The following OTOG variants were observed in gnomAD, a reference collection of about 807,000 sequenced individuals.
OTOG encodes the protein otogelin.
Under a neutral mutation model 313.8 loss-of-function variants are expected in OTOG, and 296 were observed. The ratio of observed to expected loss-of-function variants is 0.94; its 90% CI spans 0.86 to 1.04. OTOG has a LOEUF of 1.04. Among genes scored for constraint, OTOG ranks in the 50% least tolerant of loss-of-function variants. OTOG has a pLI of 0.00. For missense variants in OTOG, 3,948 were observed against 3,840.1 expected (o/e 1.03, Z -0.74); for synonymous variants, 1,533 against 1,554.9 (o/e 0.99, Z 0.33).
chr11:17,595,085 T>C (rs180770246), intron 28 of OTOG, among the ~76,000 whole-genome samples: 1 of 152,332 alleles, frequency 6.6e-6, no homozygotes, highest in East Asian at 1.9e-4. Flanking sequence ...GAGATGAGCC[T>C]ATGTAGACTG....
At chr11:17,625,108 A>G (rs575858214) in intron 39 of OTOG, among the ~76,000 whole-genome samples, 14 of 152,296 alleles carry the variant, frequency 9.2e-5, no homozygotes, top group African/African-American at 2.6e-4. Flanking sequence ...GCAAACAGGG[A>G]TAGTTTGACT....
At chr11:17,643,855 C>T (rs1211481280) in intron 54 of OTOG, among the ~76,000 whole-genome samples, 1 of 152,234 alleles carries the variant, frequency 6.6e-6, no homozygotes, top group Admixed American at 6.5e-5. Flanking sequence ...CATAAATTCT[C>T]CCGTAGTCAG....
intron 24 of OTOG, among the ~76,000 whole-genome samples, chr11:17,591,062 A>C (rs1852920233): frequency 6.6e-6 from 1 of 152,208 alleles, no homozygotes; most frequent in Non-Finnish European, 1.5e-5. Flanking sequence ...TCCCAGAGGC[A>C]GACGGTTTTC....
At chr11:17,562,570 C>CA (rs148426671) in intron 15 of OTOG, among the ~76,000 whole-genome samples, 19,727 of 148,566 alleles carry the variant, frequency 0.13, 1,306 homozygotes, top group Middle Eastern at 0.19. Context: ...ACCCATTTTA[C>CA]AAAAAAAAAA....
chr11:17,553,272 A>G, intron 5 of OTOG, 61 bp downstream of exon 5: 2 of 1,534,352 alleles, frequency 1.3e-6, no homozygotes, highest in South Asian at 1.2e-5. Context: ...AGCTAGGGAG[A>G]AAGGGAGCAG....
rs549425546 is a variant in OTOG, at chr11:17,547,897, A to G, written c.95-30A>G. The G allele has an allele frequency of 7.1e-5, 32 of 451,074 alleles. No individual in the cohort carries two copies. In the South Asian group the frequency reaches 1.9e-3, roughly 27 times the overall value. The allele number at this position is 451,074 out of a possible 1,614,324, so 27.9% of individuals were successfully genotyped here. On this transcript the variant is annotated intron_variant, in intron 1 of 55. Transcript: ENST00000399397. ...GGAGGCCCCAGTAAAGACAAGCACA[A>G]TTTGAGTGGAGAATAATCCCCCTCC...
At chr11:17,605,784 T>G in intron 32 of OTOG, 73 bp from the exon 33 acceptor site, 1 of 1,449,842 alleles carries the variant, frequency 6.9e-7, no homozygotes, top group Non-Finnish European at 9.3e-7. Context: ...AGAGCAGATG[T>G]GTGCCAGGAT....
chr11:17,593,886 TG>T, intron 27 of OTOG, 130 bp downstream of exon 27: 1 of 1,400,638 alleles, frequency 7.1e-7, no homozygotes. Flanking sequence ...CGCCCTGCTC[TG>T]GGCCCCTTCT....
At chr11:17,613,268 TC>T (rs1853634776) in intron 38 of OTOG, among the ~76,000 whole-genome samples, 27 of 147,612 alleles carry the variant, frequency 1.8e-4, no homozygotes, top group South Asian at 8.7e-4. Flanking sequence ...TCTTTCTTTC[TC>T]TCTCTGTCTG....
chr11:17,570,563 G>A (rs894075250), intron 17 of OTOG, 173 bp downstream of exon 17: 1 of 656,220 alleles, frequency 1.5e-6, no homozygotes, highest in African/African-American at 1.8e-5. Flanking sequence ...TAAAGCAGCG[G>A]TTCACAGTCC....
intron 24 of OTOG, among the ~76,000 whole-genome samples, chr11:17,590,314 G>A (rs1852901381): frequency 6.6e-6 from 1 of 152,216 alleles, no homozygotes; most frequent in Non-Finnish European, 1.5e-5. Context: ...CTGAGTTGAT[G>A]AAGACTTCAT....
At chr11:17,611,454 G>T in intron 36 of OTOG, 31 bp downstream of exon 36, 1 of 1,475,182 alleles carries the variant, frequency 6.8e-7, no homozygotes. Flanking sequence ...CTGGCCACCC[G>T]TATGTGACCC....
intron 54 of OTOG, 133 bp from the exon 55 acceptor site, chr11:17,645,431 G>T: frequency 2.6e-6 from 2 of 781,268 alleles, no homozygotes; most frequent in South Asian, 1.8e-5. Context: ...ATGGGGAGGG[G>T]CACTAATGCA....
chr11:17,638,766 G>A (rs1343346047), intron 48 of OTOG: 16 of 1,535,572 alleles, frequency 1.0e-5, no homozygotes, highest in Admixed American at 2.0e-5. Flanking sequence ...GAAGGAAAAA[G>A]CAAGTTTCCC....
chr11:17,634,030 C>A, intron 43 of OTOG, 39 bp from the exon 44 acceptor site: 1 of 1,525,720 alleles, frequency 6.6e-7, no homozygotes, highest in Non-Finnish European at 8.8e-7. Context: ...CTGGGCTCAC[C>A]TTCCTCAGTC....
chr11:17,627,781 T>G (rs370718572), intron 39 of OTOG, among the ~76,000 whole-genome samples: 2 of 152,176 alleles, frequency 1.3e-5, no homozygotes, highest in South Asian at 2.1e-4. Flanking sequence ...GTTTTCAGAT[T>G]TTTTATTTCT....
Position 17,643,518 on chromosome 11 carries a change from T to A in OTOG, c.8461+12T>A, listed in dbSNP as rs1848014833. The A allele has an allele frequency of 7.2e-6, 8 of 1,113,824 alleles. No homozygotes were observed. Among genetic ancestry groups the A allele is most frequent in the Non-Finnish European group, 9.3e-6 (8 of 858,398 alleles). The allele number at this position is 1,113,824 out of a possible 1,614,324, so 69.0% of individuals were successfully genotyped here. A position where few individuals can be genotyped will look rare whatever the true frequency, so the allele number is the denominator to read the frequency against. Reference sequence around the variant, plus strand: ...ATGCTGCAGGACCTGTGAGTGAGCATGGTGGGGGCCCAGGGGTGGGGGGCT... The same window carrying A: ...ATGCTGCAGGACCTGTGAGTGAGCAAGGTGGGGGCCCAGGGGTGGGGGGCT... On this transcript the variant is annotated intron_variant, in intron 54 of 55. Coordinates refer to ENST00000399397, the MANE Select transcript of OTOG (RefSeq NM_001292063.2).
chr11:17,589,906 T>G (rs1417951985), intron 24 of OTOG, among the ~76,000 whole-genome samples: 1 of 152,210 alleles, frequency 6.6e-6, no homozygotes, highest in Non-Finnish European at 1.5e-5. Context: ...TATTCCCTCC[T>G]TCTTGATACT....
intron 3 of OTOG, among the ~76,000 whole-genome samples, chr11:17,549,113 C>G (rs1398531080): frequency 6.6e-6 from 1 of 152,176 alleles, no homozygotes; most frequent in Non-Finnish European, 1.5e-5. Flanking sequence ...CTTTGCCAAA[C>G]TTCTTTGGTC....
Sources: gnomAD v4.1 joint callset for allele counts (sites outside exome capture counted in the v4.1 genomes callset) on GRCh38, gnomAD v4.1.1 for gene constraint, MANE v1.5 for transcripts, NCBI Gene and HGNC (gene_info 2026-07-23, HGNC 2026-07-21) for gene names.